C1orf54: variants seen among roughly 807,000 people sequenced by gnomAD.
C1orf54 encodes the protein uncharacterized protein C1orf54.
In C1orf54, 12 loss-of-function variants were observed where a neutral mutation model predicts 14.7. That is an observed-to-expected ratio of 0.82 (90% CI 0.52 to 1.32). The LOEUF (loss-of-function observed/expected upper bound fraction) is 1.32, where lower values mean the gene tolerates loss of function less well. Among genes scored for constraint, C1orf54 ranks in the 40% most tolerant of loss-of-function variants. The probability of loss-of-function intolerance (pLI) is 0.00; values close to 1 mark genes in which losing one functional copy is unlikely to be tolerated. For synonymous variants in C1orf54, 65 were observed against 56.3 expected, an observed-to-expected ratio of 1.16 and a Z score of -0.70; for missense variants, 163 against 162.2, an observed-to-expected ratio of 1.00 and a Z score of -0.03.
upstream of C1orf54, chr1:150,268,963 G>GA (rs1385153658): frequency 1.6e-6 from 1 of 623,692 alleles, no homozygotes; most frequent in Non-Finnish European, 2.8e-6. Flanking sequence ...GGAAGGGGGG[G>GA]AACCGAAACC....
At position 150,274,175 on chromosome 1, in the gene C1orf54, G is replaced by C; in HGVS notation, c.130+5G>C. The C allele has an allele frequency of 6.3e-7, 1 of 1,597,382 alleles. No individual in the cohort carries two copies. Among genetic ancestry groups the C allele is most frequent in the Non-Finnish European group, 8.6e-7 (1 of 1,164,938 alleles). On this transcript the variant is annotated splice_donor_5th_base_variant and intron_variant, in intron 2 of 5. Coordinates refer to ENST00000369099, the MANE Select transcript of C1orf54 (RefSeq NM_024579.4). ...ATACAGTCACCCCCAGTTATGGTGA[G>C]TACATGAAAGGCTCTTGCCCTTAGC...
chr1:150,276,358 G>A (rs1235856991), intron 3 of C1orf54, among the ~76,000 whole-genome samples, 164 bp from the exon 4 acceptor site: 3 of 152,136 alleles, frequency 2.0e-5, no homozygotes, highest in Non-Finnish European at 4.4e-5. Flanking sequence ...TTTTGAATGA[G>A]ATGGGTACAA....
chr1:150,277,222 G>A (rs1478601959), intron 4 of C1orf54, among the ~76,000 whole-genome samples: 1 of 152,148 alleles, frequency 6.6e-6, no homozygotes, highest in Non-Finnish European at 1.5e-5. Flanking sequence ...AAGAGGCCAG[G>A]TATGGCGGCT....
intron 2 of C1orf54, among the ~76,000 whole-genome samples, chr1:150,274,372 G>T (rs1055636288): frequency 1.3e-5 from 2 of 151,930 alleles, no homozygotes; most frequent in African/African-American, 2.4e-5. Context: ...AGGCTGAGGC[G>T]GGCGGATCAC....
intron 4 of C1orf54, among the ~76,000 whole-genome samples, chr1:150,277,039 A>G (rs1158315640): frequency 6.6e-6 from 1 of 152,238 alleles, no homozygotes; most frequent in Non-Finnish European, 1.5e-5. Flanking sequence ...AGATACTGGC[A>G]GTGCTTTAGC....
chr1:150,279,261 TAATA>T (rs1553853027), intron 4 of C1orf54, among the ~76,000 whole-genome samples: 1 of 152,150 alleles, frequency 6.6e-6, no homozygotes, highest in Admixed American at 6.6e-5. Flanking sequence ...ATAAAAATAA[TAATA>T]AATAAACAAA....
upstream of C1orf54, among the ~76,000 whole-genome samples, chr1:150,272,088 C>T (rs1272325895): frequency 2.0e-5 from 3 of 151,684 alleles, no homozygotes; most frequent in Non-Finnish European, 4.4e-5. Context: ...TGCAGTGAGC[C>T]GAGATCGCGC....
At chr1:150,273,231 C>A (rs1255061746) in intron 1 of C1orf54, among the ~76,000 whole-genome samples, 1 of 152,104 alleles carries the variant, frequency 6.6e-6, no homozygotes, top group Non-Finnish European at 1.5e-5. Context: ...TATCTCCTTT[C>A]CCAGAGAATT....
chr1:150,278,691 C>T (rs1652861441), intron 4 of C1orf54, among the ~76,000 whole-genome samples: 1 of 152,088 alleles, frequency 6.6e-6, no homozygotes, highest in African/African-American at 2.4e-5. Flanking sequence ...TCAAAAGCTA[C>T]CAAGAGGCCA....
intron 2 of C1orf54, among the ~76,000 whole-genome samples, chr1:150,275,335 C>CA (rs199773857): frequency 0.84 from 121,929 of 144,640 alleles, 50,196 homozygotes; most frequent in African/African-American, 0.95. Flanking sequence ...CGTGCCCGGC[C>CA]AAATTTTTTT....
At chr1:150,268,897 G>A (rs1320304157), upstream of C1orf54, 3 of 1,215,184 alleles carry the variant, frequency 2.5e-6, no homozygotes, top group African/African-American at 3.0e-5. Context: ...GCGTGGGGTG[G>A]CAACGCGACC....
chr1:150,272,980 C>T (rs1652326519), intron 1 of C1orf54, 117 bp downstream of exon 1: 1 of 1,173,922 alleles, frequency 8.5e-7, no homozygotes, highest in Admixed American at 1.8e-5. Flanking sequence ...ATAGAGTTTT[C>T]TCATCGTGCT....
At chr1:150,268,831 G>C (rs782262295), upstream of C1orf54, 1 of 1,601,290 alleles carries the variant, frequency 6.2e-7, no homozygotes, top group South Asian at 1.1e-5. Flanking sequence ...GTGGGAAGGG[G>C]GGTGGGGGCC....
intron 4 of C1orf54, among the ~76,000 whole-genome samples, chr1:150,278,251 C>T (rs1553852898): frequency 6.6e-6 from 1 of 152,098 alleles, no homozygotes; most frequent in Non-Finnish European, 1.5e-5. Context: ...GAAGAAAATA[C>T]CTTGCTTGAG....
intron 1 of C1orf54, among the ~76,000 whole-genome samples, chr1:150,273,620 A>G (rs1447337724): frequency 1.3e-5 from 2 of 152,202 alleles, no homozygotes; most frequent in Admixed American, 1.3e-4. Flanking sequence ...TTATTCTGTT[A>G]GCAGTGAAGG....
At chr1:150,268,937 C>T, upstream of C1orf54, 1 of 753,432 alleles carries the variant, frequency 1.3e-6, no homozygotes, top group Non-Finnish European at 2.2e-6. Flanking sequence ...ATGTCACCCC[C>T]AGACCCCGGG....
At chr1:150,276,150 GAAAAA>G (rs782347071) in intron 3 of C1orf54, among the ~76,000 whole-genome samples, 16 of 150,900 alleles carry the variant, frequency 1.1e-4, no homozygotes, top group Non-Finnish European at 5.9e-5. Flanking sequence ...AAAAAAAAAA[GAAAAA>G]AGAAAAGAAA....
intron 2 of C1orf54, among the ~76,000 whole-genome samples, chr1:150,274,912 CAA>C (rs34704617): frequency 7.0e-6 from 1 of 142,856 alleles, no homozygotes; most frequent in Non-Finnish European, 1.5e-5. Flanking sequence ...GACTACGTCA[CAA>C]AAAAAAAAAA....
intron 3 of C1orf54, 42 bp downstream of exon 3, chr1:150,275,841 A>G: frequency 1.3e-6 from 2 of 1,555,736 alleles, no homozygotes; most frequent in Non-Finnish European, 8.8e-7. Context: ...ATAAGTAACA[A>G]TTAAAAAGAA....
Sources: allele counts gnomAD v4.1 joint callset (sites outside exome capture counted in the v4.1 genomes callset), GRCh38; gene constraint gnomAD v4.1.1; transcripts MANE v1.5; gene names NCBI Gene and HGNC (gene_info 2026-07-23, HGNC 2026-07-21).